MSN: variants seen among roughly 807,000 people sequenced by gnomAD.
MSN encodes the protein epididymis luminal protein 70.
In MSN, 2 loss-of-function variants were observed where a neutral mutation model predicts 48.0. That is an observed-to-expected ratio of 0.04 (90% confidence interval 0.02 to 0.13). The LOEUF (loss-of-function observed/expected upper bound fraction) is 0.13. Among genes scored for constraint, MSN ranks in the 10% least tolerant of loss-of-function variants. The pLI is 1.00. For synonymous variants in MSN, 146 were observed against 166.9 expected (o/e 0.87, Z 0.97); for missense variants, 267 against 470.1 (o/e 0.57, Z 3.99).
chrX:65,618,027 T>A (rs201266115), intron 1 of MSN, among the ~76,000 whole-genome samples: 1 of 109,046 alleles, frequency 9.2e-6, no homozygotes, highest in African/African-American at 3.4e-5. Flanking sequence ...TTGAGTGAGA[T>A]TCTTAATCCT....
At chrX:65,696,210 C>T (rs1200840966) in intron 1 of MSN, among the ~76,000 whole-genome samples, 1 of 106,276 alleles carries the variant, frequency 9.4e-6, no homozygotes, top group Non-Finnish European at 1.9e-5. Flanking sequence ...AAAATGCCCT[C>T]ACGTGCTTGC....
intron 2 of MSN, among the ~76,000 whole-genome samples, chrX:65,723,153 C>T (rs1322689490): frequency 9.0e-6 from 1 of 111,608 alleles, no homozygotes; most frequent in Non-Finnish European, 1.9e-5. Context: ...AAACTGAAGT[C>T]CTACTTTCTT....
intron 1 of MSN, among the ~76,000 whole-genome samples, chrX:65,606,097 C>G (rs186990373): frequency 9.2e-6 from 1 of 108,293 alleles, no homozygotes; most frequent in East Asian, 2.9e-4. Context: ...TATGCACCAC[C>G]ATACCGAGGA....
chrX:65,624,271 G>GTTC (rs1329632545), intron 1 of MSN, among the ~76,000 whole-genome samples: 1 of 109,049 alleles, frequency 9.2e-6, no homozygotes, highest in African/African-American at 3.4e-5. Flanking sequence ...AGAGATGGGG[G>GTTC]TTCTCCATGT....
chrX:65,618,008 T>G (rs1407445094), intron 1 of MSN, among the ~76,000 whole-genome samples: 19 of 109,154 alleles, frequency 1.7e-4, no homozygotes, highest in African/African-American at 3.3e-5. Flanking sequence ...TCCATGTAGT[T>G]GAGCGGTATT....
intron 6 of MSN, among the ~76,000 whole-genome samples, chrX:65,732,636 A>C (rs970684045): frequency 1.8e-5 from 2 of 111,595 alleles, no homozygotes; most frequent in African/African-American, 3.3e-5. Flanking sequence ...GCAATAAATT[A>C]TTGTTCCATA....
At chrX:65,722,387 C>T (rs1602851735) in intron 2 of MSN, among the ~76,000 whole-genome samples, 1 of 103,141 alleles carries the variant, frequency 9.7e-6, no homozygotes, top group African/African-American at 3.9e-5. Context: ...CCTCATTCTC[C>T]TCTAGGCGTG....
intron 1 of MSN, among the ~76,000 whole-genome samples, chrX:65,696,764 G>C (rs937917619): frequency 1.8e-5 from 2 of 111,270 alleles, no homozygotes; most frequent in African/African-American, 6.6e-5. Context: ...CTGAGCTTGT[G>C]GTTTGGAGGG....
chrX:65,720,667 G>A (rs1354432623), intron 2 of MSN, among the ~76,000 whole-genome samples: 1 of 111,942 alleles, frequency 8.9e-6, no homozygotes, highest in Non-Finnish European at 1.9e-5. Flanking sequence ...GCCTGGGCCT[G>A]GGAGGAAGGA....
chrX:65,600,866 G>C (rs746855790), intron 1 of MSN: 1 of 111,660 alleles, frequency 9.0e-6, no homozygotes. Context: ...ACAGAATTTA[G>C]ACCATTTTTT....
intron 1 of MSN, among the ~76,000 whole-genome samples, chrX:65,617,251 T>C (rs1010867167): frequency 9.1e-6 from 1 of 110,331 alleles, no homozygotes; most frequent in African/African-American, 3.4e-5. Flanking sequence ...TCCCTCTTTT[T>C]CTATTGATTG....
intron 1 of MSN, among the ~76,000 whole-genome samples, chrX:65,621,577 T>C (rs2070446884): frequency 8.9e-6 from 1 of 111,755 alleles, no homozygotes; most frequent in South Asian, 3.7e-4. Flanking sequence ...CAAGATTGTG[T>C]TAGCTATTCA....
At chrX:65,609,696 A>G (rs1010423016) in intron 1 of MSN, among the ~76,000 whole-genome samples, 3 of 111,690 alleles carry the variant, frequency 2.7e-5, no homozygotes, top group African/African-American at 9.8e-5. Flanking sequence ...ATCCTGGCTA[A>G]CACGGTGAAA....
chrX:65,647,050 T>A (rs1489830884), intron 1 of MSN, among the ~76,000 whole-genome samples: 1 of 111,666 alleles, frequency 9.0e-6, no homozygotes, highest in Non-Finnish European at 1.9e-5. Flanking sequence ...ACACTGGTTT[T>A]CAATAGAGAT....
intron 1 of MSN, among the ~76,000 whole-genome samples, chrX:65,610,052 C>T (rs1375812177): frequency 9.0e-6 from 1 of 111,707 alleles, no homozygotes; most frequent in Non-Finnish European, 1.9e-5. Flanking sequence ...TTATTGTACC[C>T]GTTATTACCA....
At chrX:65,652,910 AG>A (rs1426614204) in intron 1 of MSN, among the ~76,000 whole-genome samples, 4 of 111,912 alleles carry the variant, frequency 3.6e-5, no homozygotes, top group African/African-American at 9.8e-5. Flanking sequence ...AGGTGGATTT[AG>A]GCGGTGATGA....
chrX:65,728,833 C>A (rs2071594833), intron 3 of MSN, among the ~76,000 whole-genome samples: 1 of 111,376 alleles, frequency 9.0e-6, no homozygotes, highest in Admixed American at 9.6e-5. Context: ...ATCTTCGTAT[C>A]CTCAAACTGG....
intron 1 of MSN, among the ~76,000 whole-genome samples, chrX:65,706,372 AG>A (rs1288527769): frequency 9.0e-6 from 1 of 111,581 alleles, no homozygotes; most frequent in Non-Finnish European, 1.9e-5. Flanking sequence ...TTGCGTTGGT[AG>A]GGCACATCCT....
At chrX:65,677,278 A>T (rs147127797) in intron 1 of MSN, among the ~76,000 whole-genome samples, 1,501 of 112,230 alleles carry the variant, frequency 0.013, 7 homozygotes, top group Middle Eastern at 0.032. Context: ...TCTGGGCATC[A>T]TTAGTTAAGT....
Sources: allele counts gnomAD v4.1 joint callset (sites outside exome capture counted in the v4.1 genomes callset), GRCh38; gene constraint gnomAD v4.1.1; transcripts MANE v1.5; gene names NCBI Gene and HGNC (gene_info 2026-07-23, HGNC 2026-07-21).